Variants in CMIP observed in about 807,000 individuals in gnomAD.
CMIP encodes the protein C-Maf-inducing protein.
In CMIP, 13 loss-of-function variants were observed where a neutral mutation model predicts 97.3. That is an observed-to-expected ratio of 0.13 (90% CI 0.09 to 0.21). CMIP has a LOEUF of 0.21. Ranked by LOEUF, CMIP falls within the 10% of genes least tolerant of loss-of-function variation. The probability of loss-of-function intolerance (pLI) is 1.00; values close to 1 mark genes in which losing one functional copy is unlikely to be tolerated. For missense variants in CMIP, 847 were observed against 1,024.9 expected (o/e 0.83, Z 2.37); for synonymous variants, 538 against 436.3 (o/e 1.23, Z -2.91).
At chr16:81,486,975 G>A (rs778514582) in intron 1 of CMIP, among the ~76,000 whole-genome samples, 8 of 152,264 alleles carry the variant, frequency 5.3e-5, no homozygotes, top group African/African-American at 1.4e-4. Context: ...CGCACTGGGC[G>A]TTGAGCGCCG....
rs533269803 is a variant in CMIP at position 81,614,370 on chromosome 16, G to A, written c.427-6506G>A. 1.3e-5 allele frequency among the ~76,000 whole-genome samples: 2 copies of A among 152,234 alleles called. No individual in the cohort carries two copies. Among genetic ancestry groups the A allele is most frequent in the Admixed American group, 6.5e-5 (1 of 15,288 alleles). ...GGGGGAAGGGAGTGTGCCAAGCGGT[G>A]CACGGGTTCTCAGGGGCTCCCACGC... On this transcript the variant is annotated intron_variant, in intron 2 of 20. Transcript: ENST00000537098. The surrounding 1 kb of genome is among the most constrained non-coding windows in gnomAD (Gnocchi z 5.3).
chr16:81,506,633 G>A (rs946654311), intron 1 of CMIP, among the ~76,000 whole-genome samples: 1 of 152,246 alleles, frequency 6.6e-6, no homozygotes, highest in Non-Finnish European at 1.5e-5. Context: ...GGAACTTTGA[G>A]TTTGAAATGG....
intron 1 of CMIP, among the ~76,000 whole-genome samples, chr16:81,497,442 G>C (rs2089511570): frequency 6.6e-6 from 1 of 152,172 alleles, no homozygotes; most frequent in Admixed American, 6.5e-5. Flanking sequence ...GGGGTCTCTA[G>C]GAACTGTTTC....
At chr16:81,465,906 C>A (rs1263043691) in intron 1 of CMIP, among the ~76,000 whole-genome samples, 2 of 152,184 alleles carry the variant, frequency 1.3e-5, no homozygotes, top group African/African-American at 4.8e-5. Context: ...AACACAGCCC[C>A]ACTAGAACAC....
chr16:81,572,218 A>G (rs1214338619), intron 1 of CMIP, among the ~76,000 whole-genome samples: 1 of 152,238 alleles, frequency 6.6e-6, no homozygotes, highest in Non-Finnish European at 1.5e-5. Flanking sequence ...GATTTCTGGC[A>G]ACTGCCTCAG....
At chr16:81,559,232 A>G (rs1248096225) in intron 1 of CMIP, among the ~76,000 whole-genome samples, 1 of 152,178 alleles carries the variant, frequency 6.6e-6, no homozygotes, top group Non-Finnish European at 1.5e-5. Flanking sequence ...TCAGACCCCG[A>G]ACATGGCCTA....
intron 7 of CMIP, 127 bp downstream of exon 7, chr16:81,664,476 G>A: frequency 1.2e-6 from 1 of 822,618 alleles, no homozygotes; most frequent in African/African-American, 1.7e-5. Context: ...GCCAGGAACT[G>A]GGGTTGAGAT....
intron 1 of CMIP, among the ~76,000 whole-genome samples, chr16:81,465,281 C>T (rs1907134263): frequency 6.6e-6 from 1 of 152,140 alleles, no homozygotes; most frequent in South Asian, 2.1e-4. Flanking sequence ...TGATGCTGTA[C>T]CTGGACAGTC....
intron 1 of CMIP, among the ~76,000 whole-genome samples, chr16:81,496,734 C>T (rs370821295): frequency 1.2e-4 from 19 of 152,336 alleles, no homozygotes; most frequent in East Asian, 9.6e-4. Context: ...CAGCCCCCTG[C>T]GGACCCTGGA....
chr16:81,476,430 T>C, intron 1 of CMIP: 5 of 990,576 alleles, frequency 5.0e-6, no homozygotes, highest in South Asian at 3.8e-5. Context: ...CTGCTGTCTT[T>C]GGAAACTTGT....
At chr16:81,684,186 G>A (rs900111306) in intron 10 of CMIP, among the ~76,000 whole-genome samples, 13 of 151,938 alleles carry the variant, frequency 8.6e-5, no homozygotes, top group African/African-American at 2.9e-4. Context: ...TGGGATGACC[G>A]CACAGGTGGA....
intron 11 of CMIP, among the ~76,000 whole-genome samples, chr16:81,692,421 A>G (rs777561810): frequency 7.9e-5 from 12 of 152,182 alleles, no homozygotes; most frequent in Non-Finnish European, 1.3e-4. Flanking sequence ...TGTCTGGTGG[A>G]TAATGGCCTG....
chr16:81,626,739 CAGTG>C (rs1303140762), intron 3 of CMIP, among the ~76,000 whole-genome samples: 1 of 116,282 alleles, frequency 8.6e-6, no homozygotes, highest in East Asian at 2.8e-4. Context: ...TATTTTATGA[CAGTG>C]GGTGTGGGTG....
intron 1 of CMIP, among the ~76,000 whole-genome samples, chr16:81,558,097 T>C (rs930285099): frequency 1.3e-5 from 2 of 152,250 alleles, no homozygotes; most frequent in Non-Finnish European, 2.9e-5. Context: ...CTTAAGATTC[T>C]TTCATATTGT....
chr16:81,453,622 A>G lies in CMIP; in HGVS notation c.300+8081A>G, dbSNP rs1363987779. Among the ~76,000 whole-genome samples, 2 of 152,222 alleles carry G rather than the reference A, an allele frequency of 1.3e-5. No individual in the cohort carries two copies. The highest frequency in any genetic ancestry group is 1.3e-4 in the Admixed American group (2 of 15,284). On this transcript the variant is annotated intron_variant, in intron 1 of 20. Coordinates refer to ENST00000537098, the MANE Select transcript of CMIP (RefSeq NM_198390.3). This position sits in a 1 kb window ranked among gnomAD's most constrained non-coding sequence, Gnocchi z 4.0. ...CCGGTGCGAGGCTCTGCAGGGAAGG[A>G]GAGCCACGGGTATGGAAGGGGCTGT...
intron 1 of CMIP, among the ~76,000 whole-genome samples, chr16:81,553,982 A>G (rs2090712262): frequency 6.6e-6 from 1 of 152,210 alleles, no homozygotes; most frequent in South Asian, 2.1e-4. Flanking sequence ...GTGAACAGAA[A>G]AGTAATTTTC....
chr16:81,673,650 G>A (rs2092703099), intron 9 of CMIP, among the ~76,000 whole-genome samples: 3 of 152,246 alleles, frequency 2.0e-5, no homozygotes, highest in South Asian at 2.1e-4. Context: ...TTGCTCCGCC[G>A]AGGCTGGCGG....
At chr16:81,467,541 G>A (rs1342119079) in intron 1 of CMIP, among the ~76,000 whole-genome samples, 2 of 151,604 alleles carry the variant, frequency 1.3e-5, no homozygotes, top group East Asian at 1.9e-4. Context: ...TACTTTTCCT[G>A]GCCTCTTCTC....
At chr16:81,595,034 G>GTCTCTCTCTCTCTC (rs60887695) in intron 1 of CMIP, among the ~76,000 whole-genome samples, 159 of 145,796 alleles carry the variant, frequency 1.1e-3, no homozygotes, top group African/African-American at 3.8e-3. Flanking sequence ...ATATCATGTG[G>GTCTCTCTCTCTCTC]TCTCTCTCTC....
Sources: gnomAD v4.1 joint callset for allele counts (sites outside exome capture counted in the v4.1 genomes callset) on GRCh38, gnomAD v4.1.1 for gene constraint, Gnocchi (gnomAD v3.1) non-coding constraint, MANE v1.5 for transcripts, NCBI Gene and HGNC (gene_info 2026-07-23, HGNC 2026-07-21) for gene names.